LRP1B: variants seen among roughly 807,000 people sequenced by gnomAD.
The protein encoded by LRP1B is low-density lipoprotein receptor-related protein 1B.
A neutral mutation model predicts 556.6 loss-of-function variants in LRP1B; 217 were observed. The observed-to-expected ratio is 0.39, with a 90% confidence interval of 0.35 to 0.44. The LOEUF (loss-of-function observed/expected upper bound fraction) is 0.44, where lower values mean the gene tolerates loss of function less well. Ranked by LOEUF, LRP1B falls within the 20% of genes least tolerant of loss-of-function variation. The pLI is 1.00. For synonymous variants in LRP1B, 2,047 were observed against 1,865.8 expected (o/e 1.10, Z -2.50); for missense variants, 5,053 against 5,620.8 (o/e 0.90, Z 3.23).
rs573262767 is a variant in LRP1B at position 141,613,066 on chromosome 2, C to T, written c.206-132533G>A. Among the ~76,000 whole-genome samples, 103 of 152,164 alleles carry T rather than the reference C, an allele frequency of 6.8e-4. 1 individual carries two copies. The highest frequency in any genetic ancestry group is 2.5e-3 in the South Asian group (12 of 4,806). ...CCTCGTGATCCACCTGCTCAGCCTC[C>T]CAAAGTGCTGGGATTATAGGCATGA... On this transcript the variant is annotated intron_variant, in intron 2 of 90. Transcript: ENST00000389484.
At chr2:141,173,856 T>G (rs1680614932) in intron 7 of LRP1B, among the ~76,000 whole-genome samples, 1 of 152,064 alleles carries the variant, frequency 6.6e-6, no homozygotes, top group South Asian at 2.1e-4. Flanking sequence ...TGAGACAAAT[T>G]TACTTACCTC....
At chr2:141,722,409 C>T (rs1489074751) in intron 2 of LRP1B, among the ~76,000 whole-genome samples, 8 of 151,998 alleles carry the variant, frequency 5.3e-5, no homozygotes, top group African/African-American at 1.9e-4. Flanking sequence ...GAGTCTCAGT[C>T]CCTTCATGCA....
intron 41 of LRP1B, among the ~76,000 whole-genome samples, chr2:140,640,562 AT>A (rs1481784084): frequency 7.0e-6 from 1 of 142,290 alleles, no homozygotes; most frequent in African/African-American, 2.6e-5. Flanking sequence ...TGCCCGGCTA[AT>A]TTTTTGTATT....
At chr2:141,254,445 C>A in intron 4 of LRP1B, 77 bp downstream of exon 4, 2 of 1,474,746 alleles carry the variant, frequency 1.4e-6, no homozygotes, top group Non-Finnish European at 1.9e-6. Flanking sequence ...ATGGTAGGTG[C>A]TCAAAGATGT....
chr2:140,957,758 T>A (rs1013761559), intron 18 of LRP1B, among the ~76,000 whole-genome samples: 1 of 151,498 alleles, frequency 6.6e-6, no homozygotes, highest in Admixed American at 6.6e-5. Flanking sequence ...TCTAGATGCC[T>A]GGGTTTTAAT....
At chr2:141,242,643 G>A (rs984355613) in intron 5 of LRP1B, among the ~76,000 whole-genome samples, 7 of 151,894 alleles carry the variant, frequency 4.6e-5, no homozygotes, top group Non-Finnish European at 8.8e-5. Flanking sequence ...CAATTACTCC[G>A]CGGCAAAGAG....
chr2:142,065,120 A>T (rs548798566), intron 1 of LRP1B, among the ~76,000 whole-genome samples: 1 of 151,686 alleles, frequency 6.6e-6, no homozygotes, highest in African/African-American at 2.4e-5. Flanking sequence ...GACTTTCATT[A>T]TATAACTATC....
chr2:141,283,035 A>C (rs545836234), intron 3 of LRP1B, among the ~76,000 whole-genome samples: 3 of 152,250 alleles, frequency 2.0e-5, no homozygotes, highest in South Asian at 4.1e-4. Flanking sequence ...TCTAGTCCAG[A>C]TGCCTAGCAT....
At chr2:141,121,148 C>T (rs12615906) in intron 7 of LRP1B, among the ~76,000 whole-genome samples, 36,375 of 151,796 alleles carry the variant, frequency 0.24, 4,902 homozygotes, top group East Asian at 0.47. Flanking sequence ...TTTCCTCATC[C>T]ATGAAATGAA....
intron 2 of LRP1B, among the ~76,000 whole-genome samples, chr2:141,547,276 T>A (rs1481953039): frequency 6.6e-6 from 1 of 152,208 alleles, no homozygotes; most frequent in Non-Finnish European, 1.5e-5. Context: ...CAGATCAATA[T>A]CATCCTTACA....
Position 141,950,803 on chromosome 2 carries a change from CA to C in LRP1B, c.83-140403del, listed in dbSNP as rs1311768402. ...TCGCATTTCTAAGAGAAAATGAAGCCAAAAATCTCAAAGAAGCAATGAAAGT... is the reference window on the plus strand; with the variant it reads ...TCGCATTTCTAAGAGAAAATGAAGCCAAAATCTCAAAGAAGCAATGAAAGT... On this transcript the variant is annotated intron_variant, in intron 1 of 90. Coordinates refer to ENST00000389484, the MANE Select transcript of LRP1B (RefSeq NM_018557.3). Among the ~76,000 whole-genome samples the C allele has an allele frequency of 2.0e-5, 3 of 151,888 alleles. No individual in the cohort carries two copies. The East Asian group carries it at 5.8e-4, about 29-fold the overall frequency.
chr2:140,424,164 TG>T (rs1257512537), intron 66 of LRP1B, among the ~76,000 whole-genome samples: 1 of 152,124 alleles, frequency 6.6e-6, no homozygotes, highest in Admixed American at 6.6e-5. Context: ...AAGCACTGAG[TG>T]GGGAGGGCTT....
chr2:141,639,302 GTGTATATATATATATATATATATATATA>G lies in LRP1B; in HGVS notation c.206-158797_206-158770del, dbSNP rs1689224454. Among the ~76,000 whole-genome samples the G allele has an allele frequency of 1.8e-4, 6 of 33,028 alleles. 1 individual carries two copies. In the South Asian group the frequency reaches 4.7e-3, roughly 26 times the overall value. 21.7% of individuals were successfully genotyped at this position (33,028 alleles called of 152,430 possible). A position where few individuals can be genotyped will look rare whatever the true frequency, so the allele number is the denominator to read the frequency against. ...CTGGACCCAGGAGTACGCATCATGTGTGTATATATATATATATATATATATATATATATATATATATATATATACACAC... is the reference window on the plus strand; with the variant it reads ...CTGGACCCAGGAGTACGCATCATGTGTATATATATATATATATATACACAC... On this transcript the variant is annotated intron_variant, in intron 2 of 90. Coordinates refer to ENST00000389484, the MANE Select transcript of LRP1B (RefSeq NM_018557.3).
intron 41 of LRP1B, among the ~76,000 whole-genome samples, chr2:140,688,573 A>G (rs1164691783): frequency 6.6e-6 from 1 of 152,226 alleles, no homozygotes; most frequent in Non-Finnish European, 1.5e-5. Flanking sequence ...TGCAGAAGGT[A>G]CACATTCTTC....
chr2:140,798,550 T>A (rs1326944260), intron 32 of LRP1B, among the ~76,000 whole-genome samples: 1 of 152,134 alleles, frequency 6.6e-6, no homozygotes, highest in Non-Finnish European at 1.5e-5. Flanking sequence ...GGCAATTGGC[T>A]ATGAAGGTTA....
chr2:141,559,099 C>T (rs72853594), intron 2 of LRP1B, among the ~76,000 whole-genome samples: 3,366 of 151,440 alleles, frequency 0.022, 60 homozygotes, highest in Non-Finnish European at 0.03. Context: ...TATTTTGATG[C>T]ATCATAATTA....
intron 7 of LRP1B, among the ~76,000 whole-genome samples, chr2:141,069,711 G>A (rs180812791): frequency 2.7e-4 from 41 of 152,136 alleles, no homozygotes; most frequent in Non-Finnish European, 5.4e-4. Flanking sequence ...TTGACTGTGA[G>A]GCATCCCTCA....
intron 60 of LRP1B, among the ~76,000 whole-genome samples, chr2:140,465,489 C>T (rs2105334623): frequency 6.6e-6 from 1 of 152,216 alleles, no homozygotes; most frequent in Admixed American, 6.5e-5. Context: ...AATAGAAGCC[C>T]TATTCTATGA....
intron 3 of LRP1B, among the ~76,000 whole-genome samples, chr2:141,363,471 C>T (rs1169519386): frequency 6.6e-6 from 1 of 151,964 alleles, no homozygotes; most frequent in Non-Finnish European, 1.5e-5. Context: ...CTCTTATTTT[C>T]GTTACTAAAT....
Sources: gnomAD v4.1 joint callset for allele counts (sites outside exome capture counted in the v4.1 genomes callset) on GRCh38, gnomAD v4.1.1 for gene constraint, MANE v1.5 for transcripts, NCBI Gene and HGNC (gene_info 2026-07-23, HGNC 2026-07-21) for gene names.